Variants in WIPF2 observed in about 807,000 individuals in gnomAD.
The protein encoded by WIPF2 is WAS/WASL-interacting protein family member 2.
Under a neutral mutation model 38.8 loss-of-function variants are expected in WIPF2, and 23 were observed. That is an observed-to-expected ratio of 0.59 (90% confidence interval 0.43 to 0.84). The LOEUF (loss-of-function observed/expected upper bound fraction) is 0.84. WIPF2 is among the 40% of genes least tolerant of loss of function. The pLI, the probability that WIPF2 is intolerant of heterozygous loss-of-function variation, is 0.00. For missense variants in WIPF2, 574 were observed against 580.5 expected (o/e 0.99, Z 0.11); for synonymous variants, 210 against 223.2 (o/e 0.94, Z 0.53).
rs898293995 is a variant in WIPF2, at chr17:40,260,219, G to A, written c.64-316G>A. Among the ~76,000 whole-genome samples the A allele has an allele frequency of 6.1e-5, 7 of 115,594 alleles. No homozygotes were observed. In the South Asian group the frequency reaches 1.1e-3, roughly 18 times the overall value. The allele number at this position is 115,594 out of a possible 152,430, so 75.8% of individuals were successfully genotyped here. A position where few individuals can be genotyped will look rare whatever the true frequency, so the allele number is the denominator to read the frequency against. ...TTTTTTTTTTTGCAGGCACATTCTCGCCCTGTTGCCCAGGCTGCAGTGCAG... is the reference window on the plus strand; with the variant it reads ...TTTTTTTTTTTGCAGGCACATTCTCACCCTGTTGCCCAGGCTGCAGTGCAG... On this transcript the variant is annotated intron_variant, in intron 2 of 7. Coordinates refer to ENST00000323571, the MANE Select transcript of WIPF2 (RefSeq NM_133264.5).
chr17:40,229,878 G>T lies in WIPF2; in HGVS notation c.-70+10386G>T, dbSNP rs534466467. Among the ~76,000 whole-genome samples, 23 of 152,300 alleles carry T rather than the reference G, an allele frequency of 1.5e-4. No individual in the cohort carries two copies. The South Asian group carries it at 1.9e-3, about 12-fold the overall frequency. On this transcript the variant is annotated intron_variant, in intron 1 of 7. Coordinates refer to ENST00000323571, the MANE Select transcript of WIPF2 (RefSeq NM_133264.5). ...GGGTGAAACCTAAGAATGAAGGGAG[G>T]ACAAAAGACTGACCTAGGTAGAGGA...
chr17:40,271,505 TAA>T (rs915657619), intron 5 of WIPF2, among the ~76,000 whole-genome samples: 2 of 142,076 alleles, frequency 1.4e-5, no homozygotes, highest in Non-Finnish European at 1.5e-5. Context: ...CCCTGTCTCT[TAA>T]AAAAAAAAAA....
At chr17:40,224,647 A>T (rs562745176) in intron 1 of WIPF2, among the ~76,000 whole-genome samples, 2 of 151,268 alleles carry the variant, frequency 1.3e-5, no homozygotes, top group South Asian at 2.1e-4. Context: ...GGCAAATTAC[A>T]CATTTTTTCT....
At chr17:40,224,535 C>G (rs772785510) in intron 1 of WIPF2, among the ~76,000 whole-genome samples, 1 of 151,670 alleles carries the variant, frequency 6.6e-6, no homozygotes, top group African/African-American at 2.4e-5. Context: ...CGTGAGCCAC[C>G]GCGCCCGGCC....
At chr17:40,223,255 T>G (rs1306560355) in intron 1 of WIPF2, among the ~76,000 whole-genome samples, 1 of 152,064 alleles carries the variant, frequency 6.6e-6, no homozygotes, top group East Asian at 1.9e-4. Context: ...GCAATTCTCC[T>G]GGCTCAGCCT....
chr17:40,244,861 A>G (rs889583212), intron 1 of WIPF2, among the ~76,000 whole-genome samples: 1 of 152,114 alleles, frequency 6.6e-6, no homozygotes, highest in African/African-American at 2.4e-5. Flanking sequence ...CTGCTCATGG[A>G]GAGACTTCTT....
chr17:40,242,615 C>T (rs780079203), intron 1 of WIPF2, among the ~76,000 whole-genome samples: 1 of 151,994 alleles, frequency 6.6e-6, no homozygotes, highest in Non-Finnish European at 1.5e-5. Context: ...TTGGCCAGGC[C>T]GGTCTCAAAC....
At chr17:40,273,200 A>G (rs980148515) in intron 5 of WIPF2, among the ~76,000 whole-genome samples, 3 of 151,776 alleles carry the variant, frequency 2.0e-5, no homozygotes, top group Non-Finnish European at 4.4e-5. Context: ...CACCGGGCTA[A>G]TTTTTTGTAT....
intron 2 of WIPF2, among the ~76,000 whole-genome samples, chr17:40,258,574 G>C (rs1375816680): frequency 6.6e-6 from 1 of 152,092 alleles, no homozygotes; most frequent in Non-Finnish European, 1.5e-5. Context: ...CTGGATGACA[G>C]AGCGAGACTC....
chr17:40,264,326 C>CAAAAAAAAAAAAAAA, intron 4 of WIPF2, among the ~76,000 whole-genome samples, 164 bp from the exon 5 acceptor site: 1 of 23,966 alleles, frequency 4.2e-5, no homozygotes, highest in Admixed American at 5.1e-4. Context: ...AACTTCGTCT[C>CAAAAAAAAAAAAAAA]AAAAAAAAAA....
intron 5 of WIPF2, among the ~76,000 whole-genome samples, chr17:40,270,833 A>T (rs2032228632): frequency 6.6e-6 from 1 of 151,668 alleles, no homozygotes; most frequent in Non-Finnish European, 1.5e-5. Flanking sequence ...TGACATTCTG[A>T]GTGTGTCTTA....
intron 1 of WIPF2, among the ~76,000 whole-genome samples, chr17:40,222,654 GTTTTTTTTTTTTTTTTT>G (rs58758484): frequency 0.039 from 2,090 of 53,048 alleles, 66 homozygotes; most frequent in Non-Finnish European, 0.054. Context: ...TGCATATTCA[GTTTTTTTTTTTTTTTTT>G]TTTTTTTTTT....
chr17:40,253,253 A>G (rs1336399036), intron 1 of WIPF2, among the ~76,000 whole-genome samples: 2 of 150,314 alleles, frequency 1.3e-5, no homozygotes, highest in South Asian at 2.1e-4. Flanking sequence ...TAGTAGAGAC[A>G]GGGTTTCACT....
intron 1 of WIPF2, among the ~76,000 whole-genome samples, chr17:40,233,994 C>T (rs989080750): frequency 7.9e-5 from 12 of 151,106 alleles, no homozygotes; most frequent in African/African-American, 2.9e-4. Flanking sequence ...ATGTGGGAGA[C>T]AGAGGTTGCG....
Position 40,222,542 on chromosome 17 carries a change from G to A in WIPF2, c.-70+3050G>A, listed in dbSNP as rs546130831. Among the ~76,000 whole-genome samples, 3 of 143,976 alleles carry A rather than the reference G, an allele frequency of 2.1e-5. No individual in the cohort carries two copies. In the South Asian group the frequency reaches 6.8e-4, roughly 33 times the overall value. 94.5% of individuals were successfully genotyped at this position (143,976 alleles called of 152,430 possible). A position where few individuals can be genotyped will look rare whatever the true frequency, so the allele number is the denominator to read the frequency against. ...CAACAACAACAACAAAAGGAAACAT[G>A]TTTTTCTGTTTCTTCCTCTTAGCCT... On this transcript the variant is annotated intron_variant, in intron 1 of 7. Transcript: ENST00000323571.
intron 2 of WIPF2, among the ~76,000 whole-genome samples, chr17:40,257,487 C>A (rs1311271504): frequency 6.6e-6 from 1 of 151,832 alleles, no homozygotes. Context: ...TTAGCCATAC[C>A]TAGATTGTGA....
intron 1 of WIPF2, among the ~76,000 whole-genome samples, chr17:40,231,935 C>CTT (rs71152658): frequency 0.019 from 2,010 of 104,214 alleles, 19 homozygotes; most frequent in African/African-American, 0.029. Context: ...TTTTTTCTTT[C>CTT]TTTTTTTTTT....
intron 1 of WIPF2, among the ~76,000 whole-genome samples, chr17:40,252,895 C>G (rs1415267771): frequency 6.6e-6 from 1 of 151,566 alleles, no homozygotes; most frequent in African/African-American, 2.4e-5. Flanking sequence ...TCCCTAGTAG[C>G]TGGGATTGTA....
At chr17:40,277,785 G>A (rs1423874454) in intron 7 of WIPF2, among the ~76,000 whole-genome samples, 2 of 142,658 alleles carry the variant, frequency 1.4e-5, no homozygotes, top group African/African-American at 5.5e-5. Context: ...GAGTGCAGTG[G>A]TGCCATCTCG....
Sources: allele counts gnomAD v4.1 joint callset (sites outside exome capture counted in the v4.1 genomes callset), GRCh38; gene constraint gnomAD v4.1.1; transcripts MANE v1.5; gene names NCBI Gene and HGNC (gene_info 2026-07-23, HGNC 2026-07-21).